Variants in HCN2 observed in about 807,000 individuals in gnomAD.
HCN2 encodes hyperpolarization activated cyclic nucleotide gated potassium and sodium channel 2, also known as potassium/sodium hyperpolarization-activated cyclic nucleotide-gated channel 2.
HCN2 carries 20 observed loss-of-function variants against 52.3 expected under a neutral mutation model. The observed-to-expected ratio is 0.38, with a 90% CI of 0.27 to 0.56. The LOEUF (loss-of-function observed/expected upper bound fraction) is 0.56, where lower values mean the gene tolerates loss of function less well. Among genes scored for constraint, HCN2 ranks in the 20% least tolerant of loss-of-function variants. The probability of loss-of-function intolerance (pLI) is 0.71; values close to 1 mark genes in which losing one functional copy is unlikely to be tolerated. For missense variants in HCN2, 981 were observed against 1,207.7 expected, an observed-to-expected ratio of 0.81 and a Z score of 2.78; for synonymous variants, 694 against 537.0, an observed-to-expected ratio of 1.29 and a Z score of -4.04.
intron 5 of HCN2, among the ~76,000 whole-genome samples, chr19:611,378 T>C (rs1038952643): frequency 2.0e-4 from 31 of 152,102 alleles, no homozygotes; most frequent in African/African-American, 7.2e-4. Flanking sequence ...GGAGGCGACA[T>C]CAGCAAGGCC....
rs920893285 is a variant in HCN2 at position 606,108 on chromosome 19, A to AT, written c.1218+895dup. On this transcript the variant is annotated intron_variant, in intron 3 of 7. Transcript: ENST00000251287. Reference sequence around the variant, plus strand: ...TTAATTATTATTATTTTATTTACTTATTTTTTTTTGAGACTGAGTTTCACT... The same window carrying AT: ...TTAATTATTATTATTTTATTTACTTATTTTTTTTTTGAGACTGAGTTTCACT... Among the ~76,000 whole-genome samples, 17 of 151,110 alleles carry AT rather than the reference A, an allele frequency of 1.1e-4. No individual in the cohort carries two copies. In the South Asian group the frequency reaches 1.3e-3, roughly 11 times the overall value.
chr19:616,431 A>C lies in HCN2; in HGVS notation c.2627A>C (p.Asp876Ala). The C allele has an allele frequency of 8.1e-7, 1 of 1,238,974 alleles. No homozygotes were observed. 76.7% of individuals were successfully genotyped at this position (1,238,974 alleles called of 1,614,324 possible). A position where few individuals can be genotyped will look rare whatever the true frequency, so the allele number is the denominator to read the frequency against. The change falls in exon 8 of 8, where the codon GAC becomes GCC. Residue 876 changes from aspartate to alanine, a missense_variant. Asp to Ala is a moderately radical substitution (Grantham distance 126). Coordinates refer to ENST00000251287, the MANE Select transcript of HCN2 (RefSeq NM_001194.4). ...SASPGAAGGL[D>A]PQDSARSRLS... ...TCACCCGGCGCCGCCGGCGGCCTGG[A>C]CCCCCAGGACTCCGCGCGCTCGCGC...
chr19:592,316 C>T lies in HCN2; in HGVS notation c.632+1739C>T, dbSNP rs1982897902. ...GAGGCCCACACCAGCCACTCCCTCCCCTGGGCAGCTCCAGCGACCCCCTGG... is the reference window on the plus strand; with the variant it reads ...GAGGCCCACACCAGCCACTCCCTCCTCTGGGCAGCTCCAGCGACCCCCTGG... On this transcript the variant is annotated intron_variant, in intron 1 of 7. Coordinates refer to ENST00000251287, the MANE Select transcript of HCN2 (RefSeq NM_001194.4). This position sits in a 1 kb window ranked among gnomAD's most constrained non-coding sequence, Gnocchi z 4.8. Among the ~76,000 whole-genome samples the T allele has an allele frequency of 6.6e-6, 1 of 152,354 alleles. No individual in the cohort carries two copies. Among genetic ancestry groups the T allele is most frequent in the African/African-American group, 2.4e-5 (1 of 41,590 alleles).
At chr19:615,202 A>C (rs952681080) in intron 7 of HCN2, among the ~76,000 whole-genome samples, 1 of 152,122 alleles carries the variant, frequency 6.6e-6, no homozygotes, top group Non-Finnish European at 1.5e-5. Flanking sequence ...CTCCATGTAC[A>C]CAGCAGGCAT....
intron 7 of HCN2, among the ~76,000 whole-genome samples, chr19:614,368 G>C (rs1983808068): frequency 6.6e-6 from 1 of 152,192 alleles, no homozygotes; most frequent in Admixed American, 6.5e-5. Context: ...GTGTGCTGGG[G>C]GTGCAGGGGA....
intron 7 of HCN2, among the ~76,000 whole-genome samples, chr19:615,326 G>C (rs551257941): frequency 1.2e-4 from 18 of 152,010 alleles, no homozygotes; most frequent in Non-Finnish European, 2.1e-4. Flanking sequence ...TGGCTAACAT[G>C]GTGAAACCCC....
intron 5 of HCN2, 119 bp from the exon 6 acceptor site, chr19:613,129 T>G (rs1600537585): frequency 7.4e-7 from 1 of 1,356,076 alleles, no homozygotes; most frequent in South Asian, 1.4e-5. Context: ...GCTACGGGGC[T>G]GAGCCCGTCT....
chr19:592,228 C>G lies in HCN2; in HGVS notation c.632+1651C>G, dbSNP rs140288340. 3.5e-4 allele frequency among the ~76,000 whole-genome samples: 53 copies of G among 152,344 alleles called. No homozygotes were observed. The highest frequency in any genetic ancestry group is 1.2e-3 in the African/African-American group (48 of 41,580). On this transcript the variant is annotated intron_variant, in intron 1 of 7. Coordinates refer to ENST00000251287, the MANE Select transcript of HCN2 (RefSeq NM_001194.4). The surrounding 1 kb of genome is among the most constrained non-coding windows in gnomAD (Gnocchi z 4.8). ...AGCTGTAGAACGTGCCCACTCCCCT[C>G]CGTCCCCTCCAGCATGACCTTCGAC...
chr19:614,751 G>A (rs935785397), intron 7 of HCN2, among the ~76,000 whole-genome samples: 2 of 152,124 alleles, frequency 1.3e-5, no homozygotes, highest in Non-Finnish European at 2.9e-5. Context: ...GGAGGACCTG[G>A]TCAGATTGTA....
chr19:615,926 G>C lies in HCN2; in HGVS notation c.2122G>C (p.Gly708Arg), dbSNP rs754812356. The change falls in exon 8 of 8, where the codon GGT becomes CGT. Residue 708 changes from glycine (G) to arginine (R), a missense_variant. Gly to Arg is a moderately radical substitution (Grantham distance 125, BLOSUM62 -2). Transcript: ENST00000251287. The stretch of plus-strand genomic sequence containing the variant: ...CGAGATGGTGCAGCAGGCCGAGCTG[G>C]GTCAGCGCGTGGGCCTCTTCCCGCC... ...DREMVQQAEL[G>R]QRVGLFPPPP... 15 of 1,611,396 alleles carry C rather than the reference G, an allele frequency of 9.3e-6. No individual in the cohort carries two copies. The highest frequency in any genetic ancestry group is 1.3e-5 in the African/African-American group (1 of 74,896).
intron 1 of HCN2, among the ~76,000 whole-genome samples, chr19:596,370 G>T (rs892484197): frequency 2.6e-5 from 4 of 152,168 alleles, no homozygotes; most frequent in Non-Finnish European, 5.9e-5. Context: ...GTGAGAGGGG[G>T]TCCGAGGCTT....
rs149871862 is a variant in HCN2, at chr19:611,170, G to A, written c.1584+765G>A. Among the ~76,000 whole-genome samples the A allele has an allele frequency of 1.2e-3, 182 of 151,600 alleles. 2 individuals carry two copies. In the East Asian group the frequency reaches 0.023, roughly 19 times the overall value. On this transcript the variant is annotated intron_variant, in intron 5 of 7. Transcript: ENST00000251287. ...ACATAAGGTCCTATTCACAGGAACC[G>A]GGGGTCAGGATGTCAGCCTGTCTTT...
Position 590,616 on chromosome 19 carries a change from C to T in HCN2, c.632+39C>T. 2.3e-6 allele frequency: 3 copies of T among 1,304,154 alleles called. No homozygotes were observed. Among genetic ancestry groups the T allele is most frequent in the Middle Eastern group, 3.1e-4 (1 of 3,248 alleles). 80.8% of individuals were successfully genotyped at this position (1,304,154 alleles called of 1,614,324 possible). A position where few individuals can be genotyped will look rare whatever the true frequency, so the allele number is the denominator to read the frequency against. Reference sequence around the variant, plus strand: ...GAGGGCCGGTCGGCGCGAGGGGGCCCGGGGAGCCGGGCGCGCGGGGAGCCG... The same window carrying T: ...GAGGGCCGGTCGGCGCGAGGGGGCCTGGGGAGCCGGGCGCGCGGGGAGCCG... On this transcript the variant is annotated intron_variant, in intron 1 of 7. Transcript: ENST00000251287. This position sits in a 1 kb window ranked among gnomAD's most constrained non-coding sequence, Gnocchi z 7.2.
intron 1 of HCN2, among the ~76,000 whole-genome samples, chr19:603,112 G>T (rs1422457947): frequency 3.3e-5 from 5 of 150,848 alleles, no homozygotes; most frequent in Non-Finnish European, 7.4e-5. Flanking sequence ...GTGCCTGGGG[G>T]AAGGCACCAG....
chr19:616,854 T>A lies in HCN2; in HGVS notation c.*380T>A. 6.1e-6 allele frequency: 1 copy of A among 163,592 alleles called. No individual in the cohort carries two copies. Among genetic ancestry groups the A allele is most frequent in the Non-Finnish European group, 1.2e-5 (1 of 81,344 alleles). The allele number at this position is 163,592 out of a possible 1,614,324, so 10.1% of individuals were successfully genotyped here. On this transcript the variant is annotated 3_prime_UTR_variant, in exon 8 of 8. Coordinates refer to ENST00000251287, the MANE Select transcript of HCN2 (RefSeq NM_001194.4). ...CTAGGTGGCCCCCGTCCGAGGAGGATCGTTTTCTAAGTGCAATACTTGGCC... is the reference window on the plus strand; with the variant it reads ...CTAGGTGGCCCCCGTCCGAGGAGGAACGTTTTCTAAGTGCAATACTTGGCC...
At position 614,825 on chromosome 19, in the gene HCN2, T is replaced by TGGGGCAGGGA. The variant is rs1329500765; in HGVS notation, c.1990+817_1990+826dup. On this transcript the variant is annotated intron_variant, in intron 7 of 7. Transcript: ENST00000251287. The stretch of plus-strand genomic sequence containing the variant: ...CCTGGCCTCTCAGGGGGGCAGTCTC[T>TGGGGCAGGGA]GGGGCAGGGAGGGGCAGAGCCCTGA... Among the ~76,000 whole-genome samples the TGGGGCAGGGA allele has an allele frequency of 1.6e-4, 24 of 151,462 alleles. 1 individual carries two copies. Among genetic ancestry groups the TGGGGCAGGGA allele is most frequent in the African/African-American group, 5.8e-4 (24 of 41,110 alleles).
chr19:615,883 G>A lies in HCN2; in HGVS notation c.2079G>A (p.Glu693=), dbSNP rs756254035. The change falls in exon 8 of 8, where the codon GAG becomes GAA. Residue 693 remains glutamate (E), a synonymous_variant. Coordinates refer to ENST00000251287, the MANE Select transcript of HCN2 (RefSeq NM_001194.4). ...FNNQENAIIQ[E]IVKYDREMVQ... ...ACCAGGAGAACGCCATCATCCAGGA[G>A]ATCGTCAAGTACGACCGCGAGATGG... is the stretch of plus-strand genomic sequence containing the variant. The A allele has an allele frequency of 6.2e-7, 1 of 1,613,032 alleles. No homozygotes were observed. The highest frequency in any genetic ancestry group is 8.5e-7 in the Non-Finnish European group (1 of 1,179,906).
At position 590,273 on chromosome 19, in the gene HCN2, AGCCCCGCGGGGCCCGAGG is replaced by A; in HGVS notation, c.333_350del (p.Gly113_Ala118del). On this transcript the variant is annotated inframe_deletion, in exon 1 of 8. Coordinates refer to ENST00000251287, the MANE Select transcript of HCN2 (RefSeq NM_001194.4). This position sits in a 1 kb window ranked among gnomAD's most constrained non-coding sequence, Gnocchi z 7.2. ...GTGCGGGCGCGGCGAGCCGCAGTGCAGCCCCGCGGGGCCCGAGGGCCCGGCGCGGGGGCCCAAGGTGTC... is the reference window on the plus strand; with the variant it reads ...GTGCGGGCGCGGCGAGCCGCAGTGCAGCCCGGCGCGGGGGCCCAAGGTGTC... 1.0e-6 allele frequency: 1 copy of A among 985,686 alleles called. No individual in the cohort carries two copies. The highest frequency in any genetic ancestry group is 1.2e-6 in the Non-Finnish European group (1 of 832,472). 61.1% of individuals were successfully genotyped at this position (985,686 alleles called of 1,614,324 possible). A position where few individuals can be genotyped will look rare whatever the true frequency, so the allele number is the denominator to read the frequency against.
At chr19:612,711 G>A (rs942338636) in intron 5 of HCN2, among the ~76,000 whole-genome samples, 3 of 150,596 alleles carry the variant, frequency 2.0e-5, no homozygotes, top group Non-Finnish European at 2.9e-5. Context: ...CACCACGCCC[G>A]GCCTTATTTT....
Sources: allele counts gnomAD v4.1 joint callset (sites outside exome capture counted in the v4.1 genomes callset), GRCh38; gene constraint gnomAD v4.1.1; non-coding constraint Gnocchi (gnomAD v3.1); transcripts MANE v1.5; gene names NCBI Gene and HGNC (gene_info 2026-07-23, HGNC 2026-07-21).